The following SLC5A3 variants were observed in gnomAD, a reference collection of about 807,000 sequenced individuals.
SLC5A3 encodes the protein sodium/myo-inositol cotransporter.
In SLC5A3, 10 loss-of-function variants were observed where a neutral mutation model predicts 43.2. That is an observed-to-expected ratio of 0.23 (90% CI 0.14 to 0.39). The LOEUF (loss-of-function observed/expected upper bound fraction) is 0.39. Ranked by LOEUF, SLC5A3 falls within the 10% of genes least tolerant of loss-of-function variation. The probability of loss-of-function intolerance (pLI) is 1.00; values close to 1 mark genes in which losing one functional copy is unlikely to be tolerated. For synonymous variants in SLC5A3, 349 were observed against 322.0 expected (o/e 1.08, Z -0.90); for missense variants, 608 against 893.4 (o/e 0.68, Z 4.07).
chr21:34,082,063 T>C (rs1989471858), intron 1 of SLC5A3, among the ~76,000 whole-genome samples: 1 of 152,116 alleles, frequency 6.6e-6, no homozygotes, highest in African/African-American at 2.4e-5. Flanking sequence ...TGGTTTTTTT[T>C]TTTTTGATGT....
intron 1 of SLC5A3, among the ~76,000 whole-genome samples, chr21:34,087,534 G>T (rs1398984378): frequency 6.6e-6 from 1 of 152,192 alleles, no homozygotes; most frequent in African/African-American, 2.4e-5. Context: ...AAGTTTTATA[G>T]CGTGTTAGGT....
rs149441562 is a variant in SLC5A3, at chr21:34,081,151, G to A, written c.-337+7406G>A. ...GAAGAAAAATAACTAGGAGGATTGT[G>A]TATGTGGAGTGTTTTACAAGGATCT... On this transcript the variant is annotated intron_variant, in intron 1 of 1. Transcript: ENST00000381151. 1.6e-3 allele frequency among the ~76,000 whole-genome samples: 238 copies of A among 152,236 alleles called. No individual in the cohort carries two copies. In the East Asian group the frequency reaches 0.021, roughly 13 times the overall value.
In SLC5A3 at chr21:34,101,602, A is replaced by G; in HGVS notation, c.*4247A>G. 1.0e-6 allele frequency: 1 copy of G among 1,000,120 alleles called. No homozygotes were observed. The highest frequency in any genetic ancestry group is 1.2e-6 in the Non-Finnish European group (1 of 829,898). The allele number at this position is 1,000,120 out of a possible 1,614,324, so 62.0% of individuals were successfully genotyped here. A position where few individuals can be genotyped will look rare whatever the true frequency, so the allele number is the denominator to read the frequency against. ...ACATTGCTGTGTCAGTTCTACACCT[A>G]GTCTTTTCAGCACTTAGCAAATTCA... On this transcript the variant is annotated 3_prime_UTR_variant, in exon 2 of 2. Transcript: ENST00000381151.
In SLC5A3 at chr21:34,105,002, T is replaced by A. The variant is rs1163463696; in HGVS notation, c.*7647T>A. On this transcript the variant is annotated 3_prime_UTR_variant, in exon 2 of 2. Coordinates refer to ENST00000381151, the MANE Select transcript of SLC5A3 (RefSeq NM_006933.7). ...TATAATTAGAGTTTTCTAATTTCAC[T>A]GTGAGATCTCTAACTTTTGAGTGGC... 3 of 999,996 alleles carry A rather than the reference T, an allele frequency of 3.0e-6. No homozygotes were observed. The African/African-American group carries it at 5.2e-5, about 17-fold the overall frequency. The allele number at this position is 999,996 out of a possible 1,614,324, so 61.9% of individuals were successfully genotyped here.
rs1979282841 is a variant in SLC5A3, at chr21:34,102,420, G to C, written c.*5065G>C. ...AACTTCTTTATAAAAAGAGGGATTA[G>C]TTTTTTTGTTTTGGGGTAAGCACCT... On this transcript the variant is annotated 3_prime_UTR_variant, in exon 2 of 2. Transcript: ENST00000381151. 10 of 999,714 alleles carry C rather than the reference G, an allele frequency of 1.0e-5. 1 individual carries two copies. In the South Asian group the frequency reaches 4.2e-4, roughly 42 times the overall value. 61.9% of individuals were successfully genotyped at this position (999,714 alleles called of 1,614,324 possible).
intron 1 of SLC5A3, among the ~76,000 whole-genome samples, chr21:34,084,779 T>C (rs1989533966): frequency 6.6e-6 from 1 of 152,226 alleles, no homozygotes; most frequent in Non-Finnish European, 1.5e-5. Flanking sequence ...TCTGCTCACC[T>C]CTGTTTTCTT....
Position 34,099,825 on chromosome 21 carries a change from C to A in SLC5A3, c.*2470C>A, listed in dbSNP as rs1321070464. Reference sequence around the variant, plus strand: ...TGTTTATTCTTGCCAGTATAAACATCATTTTATTTAGACTAAAGTCCCTGA... The same window carrying A: ...TGTTTATTCTTGCCAGTATAAACATAATTTTATTTAGACTAAAGTCCCTGA... On this transcript the variant is annotated 3_prime_UTR_variant, in exon 2 of 2. Coordinates refer to ENST00000381151, the MANE Select transcript of SLC5A3 (RefSeq NM_006933.7). The A allele has an allele frequency of 3.3e-6, 2 of 608,104 alleles. No individual in the cohort carries two copies. Among genetic ancestry groups the A allele is most frequent in the African/African-American group, 4.0e-5 (2 of 49,606 alleles). 37.7% of individuals were successfully genotyped at this position (608,104 alleles called of 1,614,324 possible).
At chr21:34,083,162 G>A (rs1989497551) in intron 1 of SLC5A3, among the ~76,000 whole-genome samples, 1 of 152,208 alleles carries the variant, frequency 6.6e-6, no homozygotes, top group Non-Finnish European at 1.5e-5. Context: ...AAGAAACCAA[G>A]TGCAGTTATG....
intron 1 of SLC5A3, among the ~76,000 whole-genome samples, chr21:34,077,922 T>C (rs1989372443): frequency 6.6e-6 from 1 of 152,252 alleles, no homozygotes; most frequent in Admixed American, 6.5e-5. Context: ...TCTAGAGTTC[T>C]ATTCAAGTTA....
rs527733463 is a variant in SLC5A3, at chr21:34,099,780, A to G, written c.*2425A>G. 12 of 838,982 alleles carry G rather than the reference A, an allele frequency of 1.4e-5. No homozygotes were observed. Among genetic ancestry groups the G allele is most frequent in the East Asian group, 1.2e-4 (1 of 8,006 alleles). 52.0% of individuals were successfully genotyped at this position (838,982 alleles called of 1,614,324 possible). ...TAAAGTCTGTAAATAAGGAATGACT[A>G]TTAGCATATTCATTAGAATTGTTTA... On this transcript the variant is annotated 3_prime_UTR_variant, in exon 2 of 2. Coordinates refer to ENST00000381151, the MANE Select transcript of SLC5A3 (RefSeq NM_006933.7).
In SLC5A3 at chr21:34,073,787, C is replaced by T. The variant is rs748222180; in HGVS notation, c.-337+42C>T. On this transcript the variant is annotated intron_variant, in intron 1 of 1. Coordinates refer to ENST00000381151, the MANE Select transcript of SLC5A3 (RefSeq NM_006933.7). ...CAGAGCCGGTCTTCCCGCGCGGGCG[C>T]CCCCGCTGCCGCTAGGCCGCCGTCC... The T allele has an allele frequency of 8.0e-5, 114 of 1,418,134 alleles. 1 individual carries two copies. In the South Asian group the frequency reaches 8.1e-4, roughly 10 times the overall value. The allele number at this position is 1,418,134 out of a possible 1,614,324, so 87.8% of individuals were successfully genotyped here. A position where few individuals can be genotyped will look rare whatever the true frequency, so the allele number is the denominator to read the frequency against.
chr21:34,080,217 G>T (rs531290530), intron 1 of SLC5A3, among the ~76,000 whole-genome samples: 45 of 152,310 alleles, frequency 3.0e-4, no homozygotes, highest in Admixed American at 5.9e-4. Context: ...AAAGCATTAA[G>T]TGATGGCTTT....
rs1047828947 is a variant in SLC5A3, at chr21:34,099,538, T to A, written c.*2183T>A. 2.0e-6 allele frequency: 2 copies of A among 999,726 alleles called. No homozygotes were observed. Among genetic ancestry groups the A allele is most frequent in the Non-Finnish European group, 2.4e-6 (2 of 829,738 alleles). 61.9% of individuals were successfully genotyped at this position (999,726 alleles called of 1,614,324 possible). A position where few individuals can be genotyped will look rare whatever the true frequency, so the allele number is the denominator to read the frequency against. On this transcript the variant is annotated 3_prime_UTR_variant, in exon 2 of 2. Transcript: ENST00000381151. Reference sequence around the variant, plus strand: ...ACATTACTGTGTAATTCACTGATAATTGACATATTGGCTGGGCAGCCTATC... The same window carrying A: ...ACATTACTGTGTAATTCACTGATAAATGACATATTGGCTGGGCAGCCTATC...
rs1979195466 is a variant in SLC5A3 at position 34,100,674 on chromosome 21, GGTT to G, written c.*3323_*3325del. 1 of 1,000,130 alleles carries G rather than the reference GGTT, an allele frequency of 1.0e-6. No homozygotes were observed. Among genetic ancestry groups the G allele is most frequent in the Non-Finnish European group, 1.2e-6 (1 of 829,958 alleles). 62.0% of individuals were successfully genotyped at this position (1,000,130 alleles called of 1,614,324 possible). A position where few individuals can be genotyped will look rare whatever the true frequency, so the allele number is the denominator to read the frequency against. ...CACATTTTAAGAACTGAGTTGAGGGGGTTGTTATGCACTTCTGTAACTTGAGGC... is the reference window on the plus strand; with the variant it reads ...CACATTTTAAGAACTGAGTTGAGGGGGTTATGCACTTCTGTAACTTGAGGC... On this transcript the variant is annotated 3_prime_UTR_variant, in exon 2 of 2. Transcript: ENST00000381151.
intron 1 of SLC5A3, among the ~76,000 whole-genome samples, chr21:34,074,343 T>C (rs1989270238): frequency 6.6e-6 from 1 of 152,228 alleles, no homozygotes; most frequent in African/African-American, 2.4e-5. Flanking sequence ...AAAAAATCTT[T>C]TGACTTTTCT....
In SLC5A3 at chr21:34,104,460, G is replaced by T; in HGVS notation, c.*7105G>T. The T allele has an allele frequency of 1.0e-6, 1 of 999,340 alleles. No homozygotes were observed. Among genetic ancestry groups the T allele is most frequent in the Non-Finnish European group, 1.2e-6 (1 of 829,278 alleles). The allele number at this position is 999,340 out of a possible 1,614,324, so 61.9% of individuals were successfully genotyped here. A position where few individuals can be genotyped will look rare whatever the true frequency, so the allele number is the denominator to read the frequency against. On this transcript the variant is annotated 3_prime_UTR_variant, in exon 2 of 2. Coordinates refer to ENST00000381151, the MANE Select transcript of SLC5A3 (RefSeq NM_006933.7). ...CATGTGTTAAAAGATGTAATTCTCA[G>T]AATGGGAGAGAAATGACTACCTTTG...
In SLC5A3 at chr21:34,104,940, A is replaced by G. The variant is rs556029351; in HGVS notation, c.*7585A>G. On this transcript the variant is annotated 3_prime_UTR_variant, in exon 2 of 2. Coordinates refer to ENST00000381151, the MANE Select transcript of SLC5A3 (RefSeq NM_006933.7). Reference sequence around the variant, plus strand: ...AATTTCATGGAGAACTGCTTTAATTAGCCTAGGTGAAAAGTAGTCCTAGCA... The same window carrying G: ...AATTTCATGGAGAACTGCTTTAATTGGCCTAGGTGAAAAGTAGTCCTAGCA... The G allele has an allele frequency of 6.0e-6, 6 of 999,774 alleles. No homozygotes were observed. In the South Asian group the frequency reaches 2.8e-4, roughly 47 times the overall value. The allele number at this position is 999,774 out of a possible 1,614,324, so 61.9% of individuals were successfully genotyped here. A position where few individuals can be genotyped will look rare whatever the true frequency, so the allele number is the denominator to read the frequency against.
At chr21:34,086,098 C>T (rs1056577641) in intron 1 of SLC5A3, among the ~76,000 whole-genome samples, 3 of 152,092 alleles carry the variant, frequency 2.0e-5, no homozygotes, top group East Asian at 3.8e-4. Context: ...AGCTTCTTAC[C>T]CCACTCTTTA....
intron 1 of SLC5A3, among the ~76,000 whole-genome samples, chr21:34,088,076 C>T (rs1018173143): frequency 6.6e-6 from 1 of 152,190 alleles, no homozygotes; most frequent in African/African-American, 2.4e-5. Context: ...TACAACACTT[C>T]ATCCATTAAG....
Sources: gnomAD v4.1 joint callset for allele counts (sites outside exome capture counted in the v4.1 genomes callset) on GRCh38, gnomAD v4.1.1 for gene constraint, MANE v1.5 for transcripts, NCBI Gene and HGNC (gene_info 2026-07-23, HGNC 2026-07-21) for gene names.